The following VWC2L variants were observed in gnomAD, a reference collection of about 807,000 sequenced individuals.
VWC2L encodes von Willebrand factor C domain-containing protein 2-like.
Under a neutral mutation model 21.6 loss-of-function variants are expected in VWC2L, and 10 were observed. The ratio of observed to expected loss-of-function variants is 0.46; its 90% CI spans 0.29 to 0.78. VWC2L has a LOEUF of 0.78. Ranked by LOEUF, VWC2L falls within the 30% of genes least tolerant of loss-of-function variation. VWC2L has a pLI of 0.10. For missense variants in VWC2L, 209 were observed against 277.1 expected (o/e 0.75, Z 1.74); for synonymous variants, 96 against 94.3 (o/e 1.02, Z -0.10).
At chr2:214,514,167 T>A (rs370871283) in intron 3 of VWC2L, among the ~76,000 whole-genome samples, 4,155 of 152,134 alleles carry the variant, frequency 0.027, 225 homozygotes, top group African/African-American at 0.093. Flanking sequence ...GTTTTTTTTT[T>A]TTCTGTAATC....
At chr2:214,561,731 C>T (rs1328270904) in intron 3 of VWC2L, among the ~76,000 whole-genome samples, 1 of 150,274 alleles carries the variant, frequency 6.7e-6, no homozygotes, top group Admixed American at 6.6e-5. Context: ...GCCAAGATCA[C>T]ACCACAGCAC....
intron 2 of VWC2L, among the ~76,000 whole-genome samples, chr2:214,431,159 G>C (rs1245928306): frequency 6.6e-6 from 1 of 152,182 alleles, no homozygotes; most frequent in Non-Finnish European, 1.5e-5. Flanking sequence ...TTTGCACTTT[G>C]TAATTTAATG....
chr2:214,565,309 C>T (rs909090448), intron 3 of VWC2L, among the ~76,000 whole-genome samples: 1 of 152,110 alleles, frequency 6.6e-6, no homozygotes, highest in African/African-American at 2.4e-5. Flanking sequence ...GAGCTTGCAA[C>T]CTCTTTGTTA....
chr2:214,416,340 C>T (rs1702354636), intron 2 of VWC2L, among the ~76,000 whole-genome samples: 1 of 151,952 alleles, frequency 6.6e-6, no homozygotes, highest in Non-Finnish European at 1.5e-5. Flanking sequence ...TTCTGTACCC[C>T]TTCTCGTTAT....
intron 3 of VWC2L, among the ~76,000 whole-genome samples, chr2:214,537,681 A>G (rs1689557372): frequency 6.6e-6 from 1 of 152,100 alleles, no homozygotes; most frequent in Non-Finnish European, 1.5e-5. Context: ...TTGTATACAT[A>G]CATCATAACA....
At chr2:214,505,998 A>C (rs35775374) in intron 3 of VWC2L, among the ~76,000 whole-genome samples, 52,355 of 151,990 alleles carry the variant, frequency 0.34, 10,455 homozygotes, top group South Asian at 0.47. Flanking sequence ...TTTCATACCC[A>C]GTAATCTGGC....
chr2:214,431,810 C>T lies in VWC2L; in HGVS notation c.391-4819C>T, dbSNP rs188805206. ...CTTTTTCTCAGACCCTTTAGCAATT[C>T]CTCTGCATGTACTCTTGTCCAAATT... On this transcript the variant is annotated intron_variant, in intron 2 of 3. Coordinates refer to ENST00000312504, the MANE Select transcript of VWC2L (RefSeq NM_001080500.4). Among the ~76,000 whole-genome samples, 8 of 152,276 alleles carry T rather than the reference C, an allele frequency of 5.3e-5. No homozygotes were observed. In the East Asian group the frequency reaches 1.5e-3, roughly 29 times the overall value.
chr2:214,514,465 T>C (rs1479062328), intron 3 of VWC2L, among the ~76,000 whole-genome samples: 1 of 152,190 alleles, frequency 6.6e-6, no homozygotes, highest in African/African-American at 2.4e-5. Flanking sequence ...ATGGATATAG[T>C]GCAGTTACAG....
intron 3 of VWC2L, among the ~76,000 whole-genome samples, chr2:214,497,313 C>A (rs547990413): frequency 6.6e-6 from 1 of 152,186 alleles, no homozygotes; most frequent in East Asian, 1.9e-4. Flanking sequence ...TATAGCTTCC[C>A]TTAAGTGGTC....
At chr2:214,435,103 G>A (rs1254449312) in intron 2 of VWC2L, among the ~76,000 whole-genome samples, 1 of 152,096 alleles carries the variant, frequency 6.6e-6, no homozygotes, top group Admixed American at 6.6e-5. Context: ...TCACGATGAG[G>A]TTTGCAAAAT....
At chr2:214,442,970 C>T (rs1020618914) in intron 3 of VWC2L, among the ~76,000 whole-genome samples, 1 of 152,066 alleles carries the variant, frequency 6.6e-6, no homozygotes, top group Non-Finnish European at 1.5e-5. Context: ...CAATCAATTA[C>T]GTGAATATTT....
At chr2:214,411,996 A>G (rs1310372709) in intron 1 of VWC2L, among the ~76,000 whole-genome samples, 1 of 152,030 alleles carries the variant, frequency 6.6e-6, no homozygotes, top group East Asian at 1.9e-4. Context: ...AGTATCTTAA[A>G]TTGTACTAGG....
intron 3 of VWC2L, among the ~76,000 whole-genome samples, chr2:214,496,246 T>C (rs759567232): frequency 5.3e-4 from 49 of 92,502 alleles, no homozygotes; most frequent in Non-Finnish European, 1.1e-3. Context: ...ATTACAATCT[T>C]ATGGGACAAC....
At chr2:214,497,371 T>C (rs1332393941) in intron 3 of VWC2L, among the ~76,000 whole-genome samples, 1 of 152,212 alleles carries the variant, frequency 6.6e-6, no homozygotes, top group Non-Finnish European at 1.5e-5. Context: ...TGTTTGTAAA[T>C]GTTTATATTC....
At chr2:214,541,963 A>T (rs1436235639) in intron 3 of VWC2L, among the ~76,000 whole-genome samples, 3 of 151,726 alleles carry the variant, frequency 2.0e-5, no homozygotes, top group African/African-American at 7.3e-5. Flanking sequence ...AGAATAATAA[A>T]CAGCCACCAG....
At chr2:214,485,262 G>A (rs940716245) in intron 3 of VWC2L, among the ~76,000 whole-genome samples, 1 of 152,028 alleles carries the variant, frequency 6.6e-6, no homozygotes, top group African/African-American at 2.4e-5. Context: ...GAGGTTGCAT[G>A]TGCCACTGTA....
At chr2:214,433,184 T>TATATATATATATATA (rs1559289359) in intron 2 of VWC2L, among the ~76,000 whole-genome samples, 4 of 112,260 alleles carry the variant, frequency 3.6e-5, no homozygotes, top group African/African-American at 9.4e-5. Context: ...ATATATATAT[T>TATATATATATATATA]ATATATAAAT....
rs1702326203 is a variant in VWC2L at position 214,414,535 on chromosome 2, C to T, written c.342C>T (p.Asn114=). The T allele has an allele frequency of 9.3e-6, 15 of 1,613,058 alleles. No individual in the cohort carries two copies. Among genetic ancestry groups the T allele is most frequent in the Non-Finnish European group, 1.2e-5 (14 of 1,179,608 alleles). ...GTCCTGAGTGCAAAGAAGTAAAAAACTTCTGTGAATATCACGGGAAAAATT... is the reference window on the plus strand; with the variant it reads ...GTCCTGAGTGCAAAGAAGTAAAAAATTTCTGTGAATATCACGGGAAAAATT... ...GCCPECKEVK[N]FCEYHGKNYK... is the part of the protein sequence containing the mutation. The change falls in exon 2 of 4, where the codon AAC becomes AAT. Residue 114 remains asparagine (N), a synonymous_variant. Coordinates refer to ENST00000312504, the MANE Select transcript of VWC2L (RefSeq NM_001080500.4).
chr2:214,573,698 C>T (rs571299616), intron 3 of VWC2L, among the ~76,000 whole-genome samples: 6 of 152,290 alleles, frequency 3.9e-5, no homozygotes, highest in Non-Finnish European at 5.9e-5. Context: ...AGAACAAATT[C>T]GTGGTTTAGT....
Sources: gnomAD v4.1 joint callset for allele counts (sites outside exome capture counted in the v4.1 genomes callset) on GRCh38, gnomAD v4.1.1 for gene constraint, MANE v1.5 for transcripts, NCBI Gene and HGNC (gene_info 2026-07-23, HGNC 2026-07-21) for gene names.